USP12: variants seen among roughly 807,000 people sequenced by gnomAD.
The protein encoded by USP12 is ubiquitin specific peptidase 12.
Under a neutral mutation model 45.5 loss-of-function variants are expected in USP12, and 19 were observed. That is an observed-to-expected ratio of 0.42 (90% CI 0.29 to 0.61). The LOEUF (loss-of-function observed/expected upper bound fraction) is 0.61, where lower values mean the gene tolerates loss of function less well. USP12 is among the 20% of genes least tolerant of loss of function. The pLI is 0.22. For missense variants in USP12, 242 were observed against 447.7 expected, an observed-to-expected ratio of 0.54 and a Z score of 4.15; for synonymous variants, 149 against 148.8, an observed-to-expected ratio of 1.00 and a Z score of -0.01.
intron 7 of USP12, among the ~76,000 whole-genome samples, chr13:27,072,665 GGA>G (rs1873298414): frequency 6.6e-6 from 1 of 152,178 alleles, no homozygotes. Flanking sequence ...TAGAGCCACA[GGA>G]GAGACCTCAT....
intron 6 of USP12, 94 bp from the exon 7 acceptor site, chr13:27,075,482 C>A: frequency 8.5e-7 from 1 of 1,169,758 alleles, no homozygotes; most frequent in South Asian, 1.6e-5. Context: ...AACAGATAGA[C>A]AATGGTCAGT....
At chr13:27,086,997 C>G (rs1304219339) in intron 6 of USP12, among the ~76,000 whole-genome samples, 1 of 152,188 alleles carries the variant, frequency 6.6e-6, no homozygotes, top group Non-Finnish European at 1.5e-5. Flanking sequence ...TGAGCTCTTC[C>G]CCTCCCTTAA....
intron 1 of USP12, among the ~76,000 whole-genome samples, chr13:27,126,748 T>C (rs543471696): frequency 1.3e-5 from 2 of 152,328 alleles, no homozygotes; most frequent in African/African-American, 4.8e-5. Flanking sequence ...AGCACTACTG[T>C]AGAGTTACCA....
intron 4 of USP12, among the ~76,000 whole-genome samples, chr13:27,091,087 C>T (rs1282615699): frequency 1.3e-5 from 2 of 151,980 alleles, no homozygotes; most frequent in East Asian, 1.9e-4. Flanking sequence ...GAAGATACAG[C>T]AACACTACAA....
intron 2 of USP12, among the ~76,000 whole-genome samples, chr13:27,106,193 A>C (rs980464257): frequency 5.1e-4 from 77 of 152,180 alleles, no homozygotes; most frequent in Non-Finnish European, 1.0e-4. Context: ...AAAATAAAAA[A>C]AACAAGATCC....
intron 2 of USP12, 36 bp from the exon 3 acceptor site, chr13:27,105,980 G>A: frequency 1.3e-6 from 2 of 1,547,174 alleles, no homozygotes; most frequent in Non-Finnish European, 1.7e-6. Flanking sequence ...TTAAATTTAG[G>A]GCAACACATT....
chr13:27,086,163 T>A (rs1477593302), intron 6 of USP12, among the ~76,000 whole-genome samples: 1 of 100,250 alleles, frequency 1.0e-5, no homozygotes, highest in Non-Finnish European at 2.0e-5. Flanking sequence ...GAGAGAGATC[T>A]TTTGTCTCTT....
intron 1 of USP12, among the ~76,000 whole-genome samples, chr13:27,170,839 G>C (rs1357790750): frequency 1.3e-5 from 2 of 152,240 alleles, no homozygotes; most frequent in East Asian, 3.9e-4. Context: ...CATTCCCAGA[G>C]ACAAGACTGC....
At chr13:27,072,232 C>A (rs913264148) in intron 7 of USP12, among the ~76,000 whole-genome samples, 3 of 151,272 alleles carry the variant, frequency 2.0e-5, no homozygotes, top group African/African-American at 7.3e-5. Context: ...GGGAGAGGGT[C>A]AGAAATGAAA....
intron 3 of USP12, among the ~76,000 whole-genome samples, chr13:27,103,401 T>C (rs1408544076): frequency 6.6e-6 from 1 of 150,698 alleles, no homozygotes; most frequent in Non-Finnish European, 1.5e-5. Flanking sequence ...ATAATAAAAA[T>C]GCTTTTCTAT....
At chr13:27,170,062 G>A (rs1482877904) in intron 1 of USP12, 19 of 358,284 alleles carry the variant, frequency 5.3e-5, no homozygotes, top group Non-Finnish European at 2.0e-5. Context: ...ATAATAATTG[G>A]CGTATCTAAA....
chr13:27,148,193 C>T (rs764853221), intron 1 of USP12, among the ~76,000 whole-genome samples: 15 of 151,754 alleles, frequency 9.9e-5, no homozygotes, highest in Non-Finnish European at 2.1e-4. Flanking sequence ...AACAGACATA[C>T]CTTACAAGAA....
At chr13:27,069,807 C>T (rs982379860) in intron 8 of USP12, among the ~76,000 whole-genome samples, 3 of 152,242 alleles carry the variant, frequency 2.0e-5, no homozygotes, top group Non-Finnish European at 2.9e-5. Flanking sequence ...ATTAGCTAGG[C>T]GTGTTGGCGC....
chr13:27,115,797 G>T (rs987035659), intron 2 of USP12, among the ~76,000 whole-genome samples: 1 of 152,188 alleles, frequency 6.6e-6, no homozygotes, highest in Non-Finnish European at 1.5e-5. Context: ...AATGAGAGAA[G>T]TAAATTGTCA....
intron 3 of USP12, 34 bp from the exon 4 acceptor site, chr13:27,095,864 T>C: frequency 6.7e-7 from 1 of 1,487,644 alleles, no homozygotes; most frequent in Non-Finnish European, 9.0e-7. Flanking sequence ...GAGAATTATT[T>C]CAGAATTCAT....
intron 1 of USP12, among the ~76,000 whole-genome samples, chr13:27,133,626 CAAAAAAAAAAA>C (rs11365356): frequency 9.7e-6 from 1 of 103,424 alleles, no homozygotes; most frequent in Admixed American, 9.8e-5. Context: ...GACTCTGTCT[CAAAAAAAAAAA>C]AAAAAAAAAA....
At chr13:27,143,294 T>C (rs944355013) in intron 1 of USP12, among the ~76,000 whole-genome samples, 1 of 152,046 alleles carries the variant, frequency 6.6e-6, no homozygotes, top group South Asian at 2.1e-4. Flanking sequence ...GGGGAAAAAC[T>C]CATTTGCAGC....
intron 1 of USP12, among the ~76,000 whole-genome samples, chr13:27,159,288 C>G (rs946028592): frequency 6.6e-6 from 1 of 152,144 alleles, no homozygotes; most frequent in African/African-American, 2.4e-5. Flanking sequence ...GTATCAATTA[C>G]TAAATTACAA....
At chr13:27,164,505 T>C (rs560630056) in intron 1 of USP12, among the ~76,000 whole-genome samples, 1 of 152,312 alleles carries the variant, frequency 6.6e-6, no homozygotes, top group African/African-American at 2.4e-5. Context: ...CCTCACACAG[T>C]GGTGCTCTAC....
Sources: allele counts gnomAD v4.1 joint callset (sites outside exome capture counted in the v4.1 genomes callset), GRCh38; gene constraint gnomAD v4.1.1; transcripts MANE v1.5; gene names NCBI Gene and HGNC (gene_info 2026-07-23, HGNC 2026-07-21).